BAZ2B: variants seen among roughly 807,000 people sequenced by gnomAD.
BAZ2B encodes bromodomain adjacent to zinc finger domain 2B, also known as bromodomain adjacent to zinc finger domain protein 2B.
In BAZ2B, 91 loss-of-function variants were observed where a neutral mutation model predicts 246.0. That is an observed-to-expected ratio of 0.37 (90% CI 0.31 to 0.44). The LOEUF (loss-of-function observed/expected upper bound fraction) is 0.44, where lower values mean the gene tolerates loss of function less well. BAZ2B is among the 20% of genes least tolerant of loss of function. The pLI is 1.00. For synonymous variants in BAZ2B, 855 were observed against 860.0 expected (o/e 0.99, Z 0.10); for missense variants, 2,332 against 2,533.7 (o/e 0.92, Z 1.71).
intron 2 of BAZ2B, among the ~76,000 whole-genome samples, chr2:159,541,095 A>AC (rs2086608301): frequency 6.6e-6 from 1 of 152,186 alleles, no homozygotes; most frequent in African/African-American, 2.4e-5. Context: ...TACAGATGTT[A>AC]GATCCAAACA....
At chr2:159,667,139 AG>A in the BAZ2B span, among the ~76,000 whole-genome samples, 1 of 126,198 alleles carries the variant, frequency 7.9e-6, no homozygotes. Flanking sequence ...TAGATTGCAA[AG>A]ATTTTTCTCC....
chr2:159,349,408 C>T (rs1450329638), intron 28 of BAZ2B, 128 bp from the exon 29 acceptor site: 2 of 1,028,346 alleles, frequency 1.9e-6, no homozygotes, highest in East Asian at 2.7e-5. Context: ...TACAGGAAAA[C>T]AAAATACATT....
At chr2:159,405,257 G>A (rs944611122) in intron 14 of BAZ2B, 143 bp from the exon 15 acceptor site, 7 of 716,252 alleles carry the variant, frequency 9.8e-6, no homozygotes, top group African/African-American at 3.6e-5. Context: ...TGTTGCCCAG[G>A]CTGGAGTGCA....
rs757047935 is a variant in BAZ2B, at chr2:159,428,430, C to T, written c.2256-11G>A. On this transcript the variant is annotated splice_polypyrimidine_tract_variant and intron_variant, in intron 11 of 36. Transcript: ENST00000392783. Reference sequence around the variant, plus strand: ...GTCTCTCTCTGCCAGCTACACATAACAGAAATGAAGGTTATGACATACTTA... The same window carrying T: ...GTCTCTCTCTGCCAGCTACACATAATAGAAATGAAGGTTATGACATACTTA... The T allele has an allele frequency of 1.4e-5, 22 of 1,599,410 alleles. No homozygotes were observed. Among genetic ancestry groups the T allele is most frequent in the Non-Finnish European group, 1.7e-5 (20 of 1,169,208 alleles).
chr2:159,576,058 C>T (rs950719796), intron 1 of BAZ2B, among the ~76,000 whole-genome samples: 1 of 152,066 alleles, frequency 6.6e-6, no homozygotes, highest in Admixed American at 6.6e-5. Flanking sequence ...CACAACATTA[C>T]TAAGAATATA....
intron 9 of BAZ2B, among the ~76,000 whole-genome samples, chr2:159,432,118 G>T (rs565760152): frequency 6.6e-6 from 1 of 152,124 alleles, no homozygotes; most frequent in African/African-American, 2.4e-5. Context: ...TAGTTGACCA[G>T]TAACAAATCC....
intron 2 of BAZ2B, among the ~76,000 whole-genome samples, chr2:159,503,600 A>C (rs931741521): frequency 6.6e-6 from 1 of 151,724 alleles, no homozygotes; most frequent in African/African-American, 2.4e-5. Flanking sequence ...TATTTTTGAG[A>C]TGGAGTTTCA....
chr2:159,585,396 T>C (rs1033525172), intron 1 of BAZ2B, among the ~76,000 whole-genome samples: 3 of 152,200 alleles, frequency 2.0e-5, no homozygotes, highest in African/African-American at 7.2e-5. Flanking sequence ...TCTTCACAGA[T>C]TAAATATTGT....
At chr2:159,575,298 G>C (rs1365522922) in intron 1 of BAZ2B, among the ~76,000 whole-genome samples, 1 of 151,974 alleles carries the variant, frequency 6.6e-6, no homozygotes, top group Non-Finnish European at 1.5e-5. Context: ...GCAACACTCT[G>C]CCTCCCAAAG....
intron 1 of BAZ2B, among the ~76,000 whole-genome samples, chr2:159,604,570 T>A (rs1692951744): frequency 2.0e-5 from 3 of 152,222 alleles, no homozygotes; most frequent in Admixed American, 2.0e-4. Flanking sequence ...ATATATTTAA[T>A]AAAATTAGTA....
the BAZ2B span, among the ~76,000 whole-genome samples, chr2:159,627,247 G>C: frequency 6.6e-6 from 1 of 151,810 alleles, no homozygotes; most frequent in African/African-American, 2.4e-5. Flanking sequence ...GAGGTACACA[G>C]AGCAGTTGGT....
At chr2:159,468,778 C>A (rs552589916) in intron 3 of BAZ2B, among the ~76,000 whole-genome samples, 69 of 152,262 alleles carry the variant, frequency 4.5e-4, no homozygotes, top group Non-Finnish European at 8.4e-4. Flanking sequence ...TGTGCGGTGG[C>A]TAACGCCTGT....
intron 1 of BAZ2B, chr2:159,615,662 A>C (rs1251906992): frequency 2.0e-5 from 3 of 152,346 alleles, no homozygotes; most frequent in Admixed American, 2.0e-4. Flanking sequence ...GTGATCCAGA[A>C]ACTACCCCGG....
intron 2 of BAZ2B, among the ~76,000 whole-genome samples, chr2:159,529,312 A>T (rs933779758): frequency 2.1e-5 from 3 of 139,732 alleles, no homozygotes. Flanking sequence ...TCTTCTCTTT[A>T]AAAAAAAAAA....
chr2:159,355,740 G>A (rs914414752), intron 27 of BAZ2B, among the ~76,000 whole-genome samples: 8 of 152,162 alleles, frequency 5.3e-5, no homozygotes, highest in Admixed American at 1.3e-4. Flanking sequence ...AGCTCCCAGC[G>A]AGATCAACAC....
intron 27 of BAZ2B, among the ~76,000 whole-genome samples, chr2:159,370,811 T>C (rs975459632): frequency 2.0e-5 from 3 of 152,184 alleles, no homozygotes; most frequent in African/African-American, 7.2e-5. Context: ...CATTTATTTA[T>C]TTATTTAGAG....
the BAZ2B span, among the ~76,000 whole-genome samples, chr2:159,648,661 T>G: frequency 3.5e-4 from 53 of 152,260 alleles, no homozygotes; most frequent in African/African-American, 1.2e-3. Context: ...GTTCGTTCTC[T>G]TTTATTGCTA....
At position 159,348,680 on chromosome 2, in the gene BAZ2B, T is replaced by C; in HGVS notation, c.5291A>G (p.Asp1764Gly). The change falls in exon 30 of 37, where the codon GAT becomes GGT. Residue 1764 changes from aspartate (D) to glycine (G), a missense_variant and splice_region_variant. Asp to Gly is a moderately conservative substitution (Grantham distance 94). This residue lies in a region of BAZ2B where 676 missense variants were observed against 668.6 expected (regional missense o/e 1.01). Coordinates refer to ENST00000392783, the MANE Select transcript of BAZ2B (RefSeq NM_013450.4). Reference sequence around the variant, plus strand: ...TGAAATATCTTTTAGGTACACACCATCCTTATTCTTGAGGCAGGCTTGAGT... The same window carrying C: ...TGAAATATCTTTTAGGTACACACCACCCTTATTCTTGAGGCAGGCTTGAGT... The part of the protein sequence containing the change: ...YITQACLKNK[D>G]VAIIELNENE... 1.3e-6 allele frequency: 2 copies of C among 1,596,674 alleles called. No homozygotes were observed. The highest frequency in any genetic ancestry group is 2.2e-5 in the East Asian group (1 of 44,762).
intron 2 of BAZ2B, among the ~76,000 whole-genome samples, chr2:159,506,899 A>G (rs187411818): frequency 4.6e-5 from 7 of 152,328 alleles, no homozygotes; most frequent in Admixed American, 6.5e-5. Flanking sequence ...AGAATCTAAC[A>G]AGCAAGATAA....
Sources: gnomAD v4.1 joint callset for allele counts (sites outside exome capture counted in the v4.1 genomes callset) on GRCh38, gnomAD v4.1.1 for gene constraint, gnomAD v4.1.1 regional missense constraint, MANE v1.5 for transcripts, NCBI Gene and HGNC (gene_info 2026-07-23, HGNC 2026-07-21) for gene names.